Variants in IPCEF1 observed in about 807,000 individuals in gnomAD.
IPCEF1 encodes interaction protein for cytohesin exchange factors 1, also known as interactor protein for cytohesin exchange factors 1.
A neutral mutation model predicts 50.9 loss-of-function variants in IPCEF1; 31 were observed. The ratio of observed to expected loss-of-function variants is 0.61; its 90% CI spans 0.46 to 0.82. The LOEUF (loss-of-function observed/expected upper bound fraction) is 0.82. Among genes scored for constraint, IPCEF1 ranks in the 40% least tolerant of loss-of-function variants. The probability of loss-of-function intolerance (pLI) is 0.00; values close to 1 mark genes in which losing one functional copy is unlikely to be tolerated. For synonymous variants in IPCEF1, 181 were observed against 192.0 expected, an observed-to-expected ratio of 0.94 and a Z score of 0.47; for missense variants, 458 against 514.0, an observed-to-expected ratio of 0.89 and a Z score of 1.05.
Position 154,293,075 on chromosome 6 carries a change from C to T in IPCEF1, c.-61-3319G>A, listed in dbSNP as rs572071183. On this transcript the variant is annotated intron_variant, in intron 1 of 11. Coordinates refer to ENST00000367220, the MANE Select transcript of IPCEF1 (RefSeq NM_001130700.2). ...TCTTATTTACTTTTTGCCGTGGGGGCCTCACAATCGCAGTGCTGTTTAGTT... is the reference window on the plus strand; with the variant it reads ...TCTTATTTACTTTTTGCCGTGGGGGTCTCACAATCGCAGTGCTGTTTAGTT... 3.3e-5 allele frequency among the ~76,000 whole-genome samples: 5 copies of T among 152,246 alleles called. No homozygotes were observed. The East Asian group carries it at 5.8e-4, about 18-fold the overall frequency.
At chr6:154,221,122 T>C in intron 7 of IPCEF1, 135 bp downstream of exon 7, 1 of 666,194 alleles carries the variant, frequency 1.5e-6, no homozygotes, top group Non-Finnish European at 2.5e-6. Context: ...GCATTGTAAC[T>C]GCTAAATAAA....
chr6:154,191,542 C>T (rs978002566), intron 10 of IPCEF1, among the ~76,000 whole-genome samples: 21 of 151,916 alleles, frequency 1.4e-4, no homozygotes, highest in Admixed American at 3.9e-4. Context: ...GGCATGGTGG[C>T]GAGCGCCTAT....
intron 9 of IPCEF1, among the ~76,000 whole-genome samples, chr6:154,202,846 AAAG>A (rs1441617047): frequency 1.5e-5 from 2 of 137,812 alleles, no homozygotes; most frequent in African/African-American, 5.0e-5. Flanking sequence ...TAAATGGAGA[AAAG>A]AAGAATGAAG....
chr6:154,243,009 G>T (rs1307200250), intron 5 of IPCEF1, among the ~76,000 whole-genome samples: 1 of 152,200 alleles, frequency 6.6e-6, no homozygotes. Flanking sequence ...TGACCTATAA[G>T]GAGGGATAAG....
At chr6:154,195,146 T>C (rs2128585981) in intron 10 of IPCEF1, among the ~76,000 whole-genome samples, 1 of 131,594 alleles carries the variant, frequency 7.6e-6, no homozygotes, top group South Asian at 2.4e-4. Context: ...TTCTTTTCTT[T>C]CTTTTTTTTT....
At chr6:154,292,698 G>A (rs566055336) in intron 1 of IPCEF1, among the ~76,000 whole-genome samples, 15 of 152,284 alleles carry the variant, frequency 9.9e-5, no homozygotes, top group Non-Finnish European at 1.9e-4. Flanking sequence ...AAACTACAAG[G>A]TAGTGAGGTA....
chr6:154,228,845 G>A (rs924798694), intron 5 of IPCEF1, among the ~76,000 whole-genome samples: 1 of 152,188 alleles, frequency 6.6e-6, no homozygotes, highest in South Asian at 2.1e-4. Context: ...CTGAGATGGT[G>A]CCACTTGCAC....
chr6:154,279,001 T>C (rs1160110684), intron 2 of IPCEF1, among the ~76,000 whole-genome samples: 2 of 148,140 alleles, frequency 1.4e-5, no homozygotes, highest in African/African-American at 5.0e-5. Context: ...GGTGTGCACC[T>C]GTGGTCCCAG....
chr6:154,304,979 T>C (rs1420550644), intron 1 of IPCEF1, among the ~76,000 whole-genome samples: 1 of 152,078 alleles, frequency 6.6e-6, no homozygotes, highest in East Asian at 1.9e-4. Context: ...CTGGGTGTAG[T>C]GGCGCATGCC....
intron 1 of IPCEF1, among the ~76,000 whole-genome samples, chr6:154,340,266 T>A (rs986938162): frequency 2.7e-5 from 4 of 147,722 alleles, no homozygotes; most frequent in Non-Finnish European, 4.5e-5. Context: ...TATTATTATT[T>A]TTGAGACGGA....
chr6:154,324,394 C>T (rs1783468838), intron 1 of IPCEF1, among the ~76,000 whole-genome samples: 1 of 150,578 alleles, frequency 6.6e-6, no homozygotes, highest in South Asian at 2.1e-4. Flanking sequence ...GGCAAGACCC[C>T]ATCTCTATTT....
chr6:154,223,742 G>T (rs1779043006), intron 5 of IPCEF1, among the ~76,000 whole-genome samples: 1 of 152,172 alleles, frequency 6.6e-6, no homozygotes, highest in Non-Finnish European at 1.5e-5. Context: ...TGACTTAAAT[G>T]AGCTCAGATA....
At chr6:154,332,810 G>A (rs778787244) in intron 1 of IPCEF1, among the ~76,000 whole-genome samples, 1 of 152,198 alleles carries the variant, frequency 6.6e-6, no homozygotes, top group Non-Finnish European at 1.5e-5. Flanking sequence ...GCACTCTGTT[G>A]TAAAATAGGC....
intron 8 of IPCEF1, among the ~76,000 whole-genome samples, chr6:154,213,549 C>T (rs1778138695): frequency 6.6e-6 from 1 of 152,138 alleles, no homozygotes; most frequent in Non-Finnish European, 1.5e-5. Flanking sequence ...CTAACTAACT[C>T]TAAGATTTTA....
chr6:154,343,000 C>A (rs541129925), intron 1 of IPCEF1, among the ~76,000 whole-genome samples: 1 of 152,132 alleles, frequency 6.6e-6, no homozygotes. Flanking sequence ...CCTGTAGTCC[C>A]AGCTACTCAG....
chr6:154,333,723 GTA>G (rs751032327), intron 1 of IPCEF1, among the ~76,000 whole-genome samples: 1 of 151,216 alleles, frequency 6.6e-6, no homozygotes, highest in African/African-American at 2.4e-5. Flanking sequence ...ATGTGTGTAT[GTA>G]TATATGTGTA....
intron 3 of IPCEF1, among the ~76,000 whole-genome samples, chr6:154,248,131 T>G (rs1179867491): frequency 6.6e-6 from 1 of 152,236 alleles, no homozygotes; most frequent in East Asian, 1.9e-4. Context: ...TCTCTGAATA[T>G]TTCTCACGTT....
At chr6:154,274,959 T>C (rs1267356747) in intron 2 of IPCEF1, among the ~76,000 whole-genome samples, 9 of 152,228 alleles carry the variant, frequency 5.9e-5, no homozygotes, top group Admixed American at 5.9e-4. Flanking sequence ...TTGTCACTGG[T>C]TCTCCAAAAC....
intron 1 of IPCEF1, 112 bp downstream of exon 1, chr6:154,356,560 A>G (rs977202519): frequency 1.3e-5 from 2 of 152,212 alleles, no homozygotes; most frequent in African/African-American, 4.8e-5. Context: ...CCCCAAAGTC[A>G]TATTTCCTAC....
Sources: gnomAD v4.1 joint callset for allele counts (sites outside exome capture counted in the v4.1 genomes callset) on GRCh38, gnomAD v4.1.1 for gene constraint, MANE v1.5 for transcripts, NCBI Gene and HGNC (gene_info 2026-07-23, HGNC 2026-07-21) for gene names.